The following MIPEP variants were observed in gnomAD, a reference collection of about 807,000 sequenced individuals.
The protein encoded by MIPEP is mitochondrial intermediate peptidase.
A neutral mutation model predicts 90.3 loss-of-function variants in MIPEP; 79 were observed. The ratio of observed to expected loss-of-function variants is 0.87; its 90% CI spans 0.73 to 1.05. The LOEUF (loss-of-function observed/expected upper bound fraction) is 1.05. MIPEP is among the 50% of genes least tolerant of loss of function. The pLI, the probability that MIPEP is intolerant of heterozygous loss-of-function variation, is 0.00. For missense variants in MIPEP, 940 were observed against 905.6 expected (o/e 1.04, Z -0.49); for synonymous variants, 334 against 315.8 (o/e 1.06, Z -0.61).
chr13:23,761,580 C>A (rs1593138804), intron 16 of MIPEP, among the ~76,000 whole-genome samples: 1 of 152,174 alleles, frequency 6.6e-6, no homozygotes, highest in African/African-American at 2.4e-5. Flanking sequence ...GAATACTGCT[C>A]TTTTTCTGTT....
chr13:23,803,690 C>G (rs1347684057), intron 16 of MIPEP, among the ~76,000 whole-genome samples: 1 of 152,176 alleles, frequency 6.6e-6, no homozygotes, highest in African/African-American at 2.4e-5. Context: ...GTTAGACTGT[C>G]TTAATTCCTA....
chr13:23,833,803 C>T (rs762147857), intron 14 of MIPEP, among the ~76,000 whole-genome samples: 6 of 152,226 alleles, frequency 3.9e-5, no homozygotes, highest in East Asian at 3.9e-4. Flanking sequence ...TGTCCTCCCA[C>T]GCCCTGTGTT....
At chr13:23,740,020 TA>T (rs1952308649) in intron 18 of MIPEP, among the ~76,000 whole-genome samples, 1 of 152,208 alleles carries the variant, frequency 6.6e-6, no homozygotes, top group Non-Finnish European at 1.5e-5. Flanking sequence ...GTTAGGAGAA[TA>T]ATTTTGCTTT....
intron 18 of MIPEP, among the ~76,000 whole-genome samples, chr13:23,734,453 ATTTTAAACT>A (rs1403730161): frequency 2.6e-5 from 4 of 152,334 alleles, no homozygotes; most frequent in Non-Finnish European, 5.9e-5. Flanking sequence ...AAGGAAACTT[ATTTTAAACT>A]ATTTATGGCC....
chr13:23,808,252 C>A (rs56156193), intron 15 of MIPEP, among the ~76,000 whole-genome samples: 2,747 of 152,144 alleles, frequency 0.018, 88 homozygotes, highest in African/African-American at 0.063. Flanking sequence ...GCGCCTGCCA[C>A]CACGCCTGGC....
chr13:23,881,652 G>T, intron 3 of MIPEP, 47 bp downstream of exon 3: 3 of 1,486,716 alleles, frequency 2.0e-6, no homozygotes, highest in Non-Finnish European at 2.8e-6. Flanking sequence ...CATGAAACCG[G>T]ATCACCCAGG....
At chr13:23,840,806 A>T (rs573294814) in intron 11 of MIPEP, among the ~76,000 whole-genome samples, 1 of 152,260 alleles carries the variant, frequency 6.6e-6, no homozygotes, top group Non-Finnish European at 1.5e-5. Flanking sequence ...ATGAGGAAAA[A>T]TTTAAAATAT....
chr13:23,740,350 A>C (rs546635236), intron 18 of MIPEP, among the ~76,000 whole-genome samples: 1 of 152,036 alleles, frequency 6.6e-6, no homozygotes, highest in Admixed American at 6.5e-5. Context: ...CCCATGAAGA[A>C]CACACCCTCT....
At chr13:23,844,480 G>A (rs571496227) in intron 10 of MIPEP, among the ~76,000 whole-genome samples, 1 of 152,232 alleles carries the variant, frequency 6.6e-6, no homozygotes, top group Admixed American at 6.5e-5. Context: ...GGAAAGAAAG[G>A]CAGGCAGCCA....
intron 2 of MIPEP, among the ~76,000 whole-genome samples, chr13:23,883,017 CTATT>C (rs1340962106): frequency 6.6e-6 from 1 of 151,990 alleles, no homozygotes; most frequent in Non-Finnish European, 1.5e-5. Context: ...AATAAAATGA[CTATT>C]TGGTGAAAAA....
At chr13:23,778,287 T>C (rs945437059) in intron 16 of MIPEP, among the ~76,000 whole-genome samples, 1 of 152,240 alleles carries the variant, frequency 6.6e-6, no homozygotes, top group African/African-American at 2.4e-5. Context: ...AATTTGAAGA[T>C]AATGTATGTT....
At chr13:23,870,947 G>A (rs546608577) in intron 5 of MIPEP, among the ~76,000 whole-genome samples, 1 of 152,378 alleles carries the variant, frequency 6.6e-6, no homozygotes, top group South Asian at 2.1e-4. Flanking sequence ...TGAGGCAGCA[G>A]GATCACTTGA....
chr13:23,857,784 A>T (rs964115172), intron 10 of MIPEP, among the ~76,000 whole-genome samples: 1 of 152,212 alleles, frequency 6.6e-6, no homozygotes, highest in Admixed American at 6.5e-5. Flanking sequence ...GCTGGTATAG[A>T]AAAGAATATA....
At chr13:23,780,714 T>C (rs1952772284) in intron 16 of MIPEP, among the ~76,000 whole-genome samples, 1 of 152,212 alleles carries the variant, frequency 6.6e-6, no homozygotes, top group Non-Finnish European at 1.5e-5. Context: ...GAAAAAAGAT[T>C]AGACGAATGG....
rs1216006712 is a variant in MIPEP at position 23,730,367 on chromosome 13, A to C, written c.2123T>G (p.Phe708Cys). The change falls in exon 19 of 19, where the codon TTC (phenylalanine) becomes TGC (cysteine). Residue 708 changes from phenylalanine (F) to cysteine (C), a missense_variant. Transcript: ENST00000382172. Reference sequence around the variant, plus strand: ...TTTCTTTTATTCAGAATCCATGAGGAAAGTTTCGAAGTCCAGATCCAAGTC... The same window carrying C: ...TTTCTTTTATTCAGAATCCATGAGGCAAGTTTCGAAGTCCAGATCCAAGTC... ...VSDLDLDFET[F>C]LMDSE 6 of 1,611,232 alleles carry C rather than the reference A, an allele frequency of 3.7e-6. No homozygotes were observed. In the South Asian group the frequency reaches 5.5e-5, roughly 15 times the overall value.
chr13:23,790,434 G>C (rs1401329351), intron 16 of MIPEP, among the ~76,000 whole-genome samples: 1 of 152,204 alleles, frequency 6.6e-6, no homozygotes, highest in Non-Finnish European at 1.5e-5. Flanking sequence ...CCTATCCCTA[G>C]AACCTGTGAA....
At chr13:23,778,121 G>A (rs1952737628) in intron 16 of MIPEP, among the ~76,000 whole-genome samples, 1 of 152,124 alleles carries the variant, frequency 6.6e-6, no homozygotes, top group Admixed American at 6.5e-5. Context: ...AATACTGTTT[G>A]ATTTTAGCTT....
intron 9 of MIPEP, among the ~76,000 whole-genome samples, chr13:23,860,846 TTGGG>T (rs1870264386): frequency 2.1e-3 from 3 of 1,450 alleles, no homozygotes; most frequent in Admixed American, 7.9e-3. Context: ...AGAATAATGA[TTGGG>T]ATCATAGCCC....
chr13:23,812,477 G>C (rs1469148757), intron 14 of MIPEP, among the ~76,000 whole-genome samples: 1 of 11,274 alleles, frequency 8.9e-5, no homozygotes, highest in Non-Finnish European at 1.9e-4. Flanking sequence ...TCTCCACCCT[G>C]AGAAATAAAA....
Sources: allele counts gnomAD v4.1 joint callset (sites outside exome capture counted in the v4.1 genomes callset), GRCh38; gene constraint gnomAD v4.1.1; transcripts MANE v1.5; gene names NCBI Gene and HGNC (gene_info 2026-07-23, HGNC 2026-07-21).